Variants in POMK observed in about 807,000 individuals in gnomAD.
The protein encoded by POMK is protein O-mannose kinase.
A neutral mutation model predicts 23.0 loss-of-function variants in POMK; 19 were observed. The ratio of observed to expected loss-of-function variants is 0.83; its 90% CI spans 0.58 to 1.21. The LOEUF (loss-of-function observed/expected upper bound fraction) is 1.21, where lower values mean the gene tolerates loss of function less well. Ranked by LOEUF, POMK falls within the 50% of genes most tolerant of loss-of-function variation. POMK has a pLI of 0.00. For missense variants in POMK, 410 were observed against 431.3 expected, an observed-to-expected ratio of 0.95 and a Z score of 0.44; for synonymous variants, 173 against 171.6, an observed-to-expected ratio of 1.01 and a Z score of -0.06.
chr8:43,113,002 C>G (rs1563340106), intron 4 of POMK, among the ~76,000 whole-genome samples: 1 of 152,196 alleles, frequency 6.6e-6, no homozygotes, highest in Non-Finnish European at 1.5e-5. Flanking sequence ...GAAACTGCAT[C>G]AACTAACGAG....
chr8:43,118,420 A>G (rs1000549984), intron 4 of POMK, among the ~76,000 whole-genome samples: 2 of 152,212 alleles, frequency 1.3e-5, no homozygotes, highest in African/African-American at 4.8e-5. Flanking sequence ...GCCAGTTACC[A>G]GGTTTCCTTT....
At chr8:43,113,307 T>C (rs1811721369) in intron 4 of POMK, among the ~76,000 whole-genome samples, 2 of 152,204 alleles carry the variant, frequency 1.3e-5, no homozygotes, top group African/African-American at 4.8e-5. Flanking sequence ...GCTTTGTTCA[T>C]TTCTTTTTAT....
chr8:43,122,156 C>T lies in POMK; in HGVS notation c.332C>T (p.Thr111Ile), dbSNP rs751693209. The T allele has an allele frequency of 9.3e-6, 15 of 1,614,192 alleles. No individual in the cohort carries two copies. The highest frequency in any genetic ancestry group is 1.7e-5 in the Admixed American group (1 of 60,024). The part of the protein sequence containing the change: ...KEHKVALSQL[T>I]SLEMKDDFLH... ...CACAAAGTTGCACTCTCACAGCTCACCAGCCTGGAGATGAAAGATGATTTC... is the reference window on the plus strand; with the variant it reads ...CACAAAGTTGCACTCTCACAGCTCATCAGCCTGGAGATGAAAGATGATTTC... The change falls in exon 5 of 5, where the codon ACC becomes ATC. Residue 111 changes from threonine (T) to isoleucine (I), a missense_variant. Physicochemically the swap from Thr to Ile is moderately conservative, Grantham distance 89. Transcript: ENST00000331373.
Position 43,103,806 on chromosome 8 carries a change from T to A in POMK, c.258T>A (p.Arg86=). ...ELRTEVRQLK[R]VGEGAVKRVF... ...GAACAGAAGTGAGACAGCTGAAGCGTGTTGGGGAAGGAGCTGTAAAGAGAG... is the reference window on the plus strand; with the variant it reads ...GAACAGAAGTGAGACAGCTGAAGCGAGTTGGGGAAGGAGCTGTAAAGAGAG... Residue 86 remains arginine, a synonymous_variant, in exon 4 of 5, where the codon CGT becomes CGA. Transcript: ENST00000331373. 1 of 1,614,158 alleles carries A rather than the reference T, an allele frequency of 6.2e-7. No homozygotes were observed. Among genetic ancestry groups the A allele is most frequent in the Non-Finnish European group, 8.5e-7 (1 of 1,180,030 alleles).
chr8:43,123,082 G>T lies in POMK; in HGVS notation c.*205G>T. ...ATTTTTTTTTTTTTCTTTGAGATGC[G>T]GTCTTGCTCTGTTGCTGAGGCTGGA... On this transcript the variant is annotated 3_prime_UTR_variant, in exon 5 of 5. Coordinates refer to ENST00000331373, the MANE Select transcript of POMK (RefSeq NM_032237.5). 1.9e-6 allele frequency: 1 copy of T among 538,084 alleles called. No homozygotes were observed. The highest frequency in any genetic ancestry group is 2.3e-5 in the South Asian group (1 of 42,954). The allele number at this position is 538,084 out of a possible 1,614,324, so 33.3% of individuals were successfully genotyped here. A position where few individuals can be genotyped will look rare whatever the true frequency, so the allele number is the denominator to read the frequency against.
intron 2 of POMK, 109 bp downstream of exon 2, chr8:43,097,724 G>A (rs1437692508): frequency 6.6e-6 from 1 of 152,238 alleles, no homozygotes; most frequent in Admixed American, 6.5e-5. Context: ...GACTGCATGT[G>A]GTAATCGGTT....
chr8:43,105,412 A>T (rs1156389929), intron 4 of POMK, among the ~76,000 whole-genome samples: 1 of 152,244 alleles, frequency 6.6e-6, no homozygotes, highest in Non-Finnish European at 1.5e-5. Context: ...AAACTTCTGC[A>T]TATGAATGAG....
chr8:43,103,420 C>T lies in POMK; in HGVS notation c.-21-108C>T, dbSNP rs111834725. On this transcript the variant is annotated intron_variant, in intron 3 of 4. Transcript: ENST00000331373. The stretch of plus-strand genomic sequence containing the variant: ...ACCTGCTTTAATCCCCACGGTAACG[C>T]TGCAGCTTACAGGACCCTTGAGTAG... The T allele has an allele frequency of 5.1e-3, 5,208 of 1,022,256 alleles. 24 individuals carry two copies. Among genetic ancestry groups the T allele is most frequent in the South Asian group, 6.3e-3 (427 of 67,676 alleles). The allele number at this position is 1,022,256 out of a possible 1,614,324, so 63.3% of individuals were successfully genotyped here.
chr8:43,096,848 T>G (rs1268789621), intron 1 of POMK, among the ~76,000 whole-genome samples: 3 of 152,232 alleles, frequency 2.0e-5, no homozygotes, highest in African/African-American at 7.2e-5. Flanking sequence ...AAATGTAATG[T>G]TGAGCTTTTA....
At chr8:43,100,773 T>G (rs1191585527) in intron 2 of POMK, among the ~76,000 whole-genome samples, 1 of 151,806 alleles carries the variant, frequency 6.6e-6, no homozygotes. Flanking sequence ...ATTGTGGATC[T>G]CTGTGAGGTA....
chr8:43,111,370 G>C (rs545291404), intron 4 of POMK, among the ~76,000 whole-genome samples: 2 of 152,330 alleles, frequency 1.3e-5, no homozygotes, highest in East Asian at 3.9e-4. Context: ...AGCGAGGCTG[G>C]GGGAGGGGCG....
At chr8:43,116,165 A>G (rs976676096) in intron 4 of POMK, among the ~76,000 whole-genome samples, 1 of 152,260 alleles carries the variant, frequency 6.6e-6, no homozygotes, top group Non-Finnish European at 1.5e-5. Context: ...CTACTGCACT[A>G]GTATGTAAAT....
intron 1 of POMK, among the ~76,000 whole-genome samples, chr8:43,096,270 T>A (rs891580891): frequency 1.3e-5 from 2 of 152,104 alleles, no homozygotes; most frequent in African/African-American, 4.8e-5. Flanking sequence ...GGGGCTAGAT[T>A]TCAGGAGGCC....
intron 4 of POMK, among the ~76,000 whole-genome samples, chr8:43,117,898 C>T (rs546923993): frequency 1.3e-5 from 2 of 152,110 alleles, no homozygotes; most frequent in Non-Finnish European, 2.9e-5. Flanking sequence ...GTCTGCCTAC[C>T]TAGCTTATAA....
chr8:43,108,676 A>G (rs1811591606), intron 4 of POMK, among the ~76,000 whole-genome samples: 1 of 59,462 alleles, frequency 1.7e-5, no homozygotes, highest in South Asian at 8.9e-4. Flanking sequence ...TGAGAGTTCT[A>G]AAAGTTTTTT....
At chr8:43,098,271 C>G (rs926298992) in intron 2 of POMK, among the ~76,000 whole-genome samples, 1 of 152,186 alleles carries the variant, frequency 6.6e-6, no homozygotes, top group African/African-American at 2.4e-5. Flanking sequence ...CTGTCAGCAG[C>G]TATTCCACCC....
At chr8:43,112,530 C>A (rs1271931492) in intron 4 of POMK, among the ~76,000 whole-genome samples, 2 of 152,258 alleles carry the variant, frequency 1.3e-5, no homozygotes, top group Non-Finnish European at 2.9e-5. Context: ...TCTAGCAAGG[C>A]AGGCCAACAT....
intron 1 of POMK, among the ~76,000 whole-genome samples, chr8:43,094,525 G>A (rs1358130413): frequency 6.6e-6 from 1 of 152,048 alleles, no homozygotes; most frequent in Non-Finnish European, 1.5e-5. Context: ...GCAAAATTTC[G>A]CTGTTTTGTT....
chr8:43,103,546 A>G lies in POMK; in HGVS notation c.-3A>G, dbSNP rs749727377. 5.6e-6 allele frequency: 9 copies of G among 1,613,778 alleles called. No homozygotes were observed. In the South Asian group the frequency reaches 7.7e-5, roughly 14 times the overall value. On this transcript the variant is annotated 5_prime_UTR_variant, in exon 4 of 5. Coordinates refer to ENST00000331373, the MANE Select transcript of POMK (RefSeq NM_032237.5). ...ATTTTAGGAAATTGCAGAGGCCGTCAACATGGAAAAGCAGCCCCAGAACAG... is the reference window on the plus strand; with the variant it reads ...ATTTTAGGAAATTGCAGAGGCCGTCGACATGGAAAAGCAGCCCCAGAACAG...
Sources: allele counts gnomAD v4.1 joint callset (sites outside exome capture counted in the v4.1 genomes callset), GRCh38; gene constraint gnomAD v4.1.1; transcripts MANE v1.5; gene names NCBI Gene and HGNC (gene_info 2026-07-23, HGNC 2026-07-21).